Variants in KLHL14 observed in about 807,000 individuals in gnomAD.
The protein encoded by KLHL14 is kelch-like protein 14.
KLHL14 carries 22 observed loss-of-function variants against 64.3 expected under a neutral mutation model. That is an observed-to-expected ratio of 0.34 (90% CI 0.24 to 0.49). The LOEUF (loss-of-function observed/expected upper bound fraction) is 0.49, where lower values mean the gene tolerates loss of function less well. KLHL14 is among the 20% of genes least tolerant of loss of function. The pLI is 0.99. For synonymous variants in KLHL14, 322 were observed against 333.4 expected (o/e 0.97, Z 0.37); for missense variants, 661 against 789.0 (o/e 0.84, Z 1.94).
chr18:32,687,872 G>A (rs1408228088), intron 4 of KLHL14, among the ~76,000 whole-genome samples: 3 of 152,138 alleles, frequency 2.0e-5, no homozygotes, highest in African/African-American at 4.8e-5. Context: ...ACTACAAAAA[G>A]AGCCTGACTG....
intron 3 of KLHL14, among the ~76,000 whole-genome samples, chr18:32,732,679 C>T (rs75419391): frequency 0.025 from 3,817 of 152,242 alleles, 149 homozygotes; most frequent in African/African-American, 0.082. Context: ...GGAACAGGCT[C>T]CCAGTTAACC....
chr18:32,682,059 ATAT>A (rs1317174807), intron 5 of KLHL14, among the ~76,000 whole-genome samples: 1 of 152,186 alleles, frequency 6.6e-6, no homozygotes, highest in Non-Finnish European at 1.5e-5. Flanking sequence ...CTGTCAATTA[ATAT>A]TATCTGGATA....
At chr18:32,719,401 A>G (rs970310244) in intron 3 of KLHL14, among the ~76,000 whole-genome samples, 4 of 152,242 alleles carry the variant, frequency 2.6e-5, no homozygotes, top group African/African-American at 9.6e-5. Flanking sequence ...TAAGTTCACG[A>G]ATGAGTCAAA....
intron 3 of KLHL14, among the ~76,000 whole-genome samples, chr18:32,735,310 C>T (rs1342933734): frequency 1.3e-5 from 2 of 152,032 alleles, no homozygotes; most frequent in Non-Finnish European, 2.9e-5. Flanking sequence ...TATTCCTTAC[C>T]CTGCCATTAA....
At chr18:32,678,157 G>A (rs72948123) in intron 7 of KLHL14, among the ~76,000 whole-genome samples, 4 of 152,224 alleles carry the variant, frequency 2.6e-5, no homozygotes, top group Non-Finnish European at 4.4e-5. Context: ...AACAACTTAA[G>A]TTCCTGGTCT....
At chr18:32,693,413 C>CACACACACACACACACACACACACAG (rs1229737083) in intron 4 of KLHL14, among the ~76,000 whole-genome samples, 1 of 97,018 alleles carries the variant, frequency 1.0e-5, no homozygotes, top group African/African-American at 4.8e-5. Context: ...CACACACACA[C>CACACACACACACACACACACACACAG]AGAGAGAGAG....
chr18:32,723,981 T>C (rs537449266), intron 3 of KLHL14, among the ~76,000 whole-genome samples: 5 of 152,346 alleles, frequency 3.3e-5, no homozygotes, highest in Admixed American at 2.0e-4. Flanking sequence ...AAAGTGGCCA[T>C]AGTGATTTAA....
intron 3 of KLHL14, chr18:32,733,603 G>A (rs2050147657): frequency 6.6e-6 from 1 of 152,146 alleles, no homozygotes; most frequent in Non-Finnish European, 1.5e-5. Context: ...AAACCACTAT[G>A]GTCCTCTAAG....
chr18:32,694,915 A>G (rs1395986121), intron 4 of KLHL14, among the ~76,000 whole-genome samples: 2 of 152,210 alleles, frequency 1.3e-5, no homozygotes, highest in Non-Finnish European at 2.9e-5. Context: ...CAATAAGTTT[A>G]TGATGTAATC....
Position 32,770,993 on chromosome 18 carries a change from G to A in KLHL14, c.-43-359C>T. On this transcript the variant is annotated intron_variant, in intron 1 of 8. Coordinates refer to ENST00000359358, the MANE Select transcript of KLHL14 (RefSeq NM_020805.3). The surrounding 1 kb of genome is among the most constrained non-coding windows in gnomAD (Gnocchi z 6.7). ...GCAGCGACGGCAAAGTGGCGGCTGAGGCCGAGGCACCTCGTGGGCTCGTGT... is the reference window on the plus strand; with the variant it reads ...GCAGCGACGGCAAAGTGGCGGCTGAAGCCGAGGCACCTCGTGGGCTCGTGT... 4.8e-6 allele frequency: 2 copies of A among 416,888 alleles called. No individual in the cohort carries two copies. Among genetic ancestry groups the A allele is most frequent in the South Asian group, 1.7e-5 (1 of 59,528 alleles). The allele number at this position is 416,888 out of a possible 1,614,324, so 25.8% of individuals were successfully genotyped here.
chr18:32,704,009 G>A (rs544054465), intron 3 of KLHL14, among the ~76,000 whole-genome samples: 4 of 151,996 alleles, frequency 2.6e-5, no homozygotes, highest in Non-Finnish European at 4.4e-5. Flanking sequence ...ATGTCTTCCT[G>A]ATCATATTTT....
rs560500768 is a variant in KLHL14 at position 32,758,937 on chromosome 18, G to A, written c.947+10708C>T. Reference sequence around the variant, plus strand: ...GGTTACCTAGGGCTGAAAGTCGGGCGGATGATGGTGGTGGTGAGGGAATGA... The same window carrying A: ...GGTTACCTAGGGCTGAAAGTCGGGCAGATGATGGTGGTGGTGAGGGAATGA... On this transcript the variant is annotated intron_variant, in intron 2 of 8. Coordinates refer to ENST00000359358, the MANE Select transcript of KLHL14 (RefSeq NM_020805.3). 3.9e-5 allele frequency among the ~76,000 whole-genome samples: 6 copies of A among 152,308 alleles called. No homozygotes were observed. The South Asian group carries it at 8.3e-4, about 21-fold the overall frequency.
intron 2 of KLHL14, among the ~76,000 whole-genome samples, chr18:32,764,538 G>A (rs2050330692): frequency 6.6e-6 from 1 of 152,064 alleles, no homozygotes; most frequent in African/African-American, 2.4e-5. Context: ...ACATGGGTTG[G>A]CAAACCGTGG....
Position 32,746,507 on chromosome 18 carries a change from TAAAA to T in KLHL14, c.948-4462_948-4459del, listed in dbSNP as rs1410869279. ...CATCATACTGGTGTTCTAAGTACTGTAAAATCTCATTTATTTATATTTCAGTGAT... is the reference window on the plus strand; with the variant it reads ...CATCATACTGGTGTTCTAAGTACTGTTCTCATTTATTTATATTTCAGTGAT... On this transcript the variant is annotated intron_variant, in intron 2 of 8. Transcript: ENST00000359358. 1.1e-4 allele frequency among the ~76,000 whole-genome samples: 16 copies of T among 152,336 alleles called. No individual in the cohort carries two copies. In the South Asian group the frequency reaches 2.9e-3, roughly 28 times the overall value.
At chr18:32,759,593 G>A (rs1267163159) in intron 2 of KLHL14, among the ~76,000 whole-genome samples, 1 of 152,080 alleles carries the variant, frequency 6.6e-6, no homozygotes, top group African/African-American at 2.4e-5. Context: ...CCAAGGAGAA[G>A]CAGCTTGTAA....
chr18:32,723,490 G>A (rs1485860968), intron 3 of KLHL14, among the ~76,000 whole-genome samples: 1 of 152,118 alleles, frequency 6.6e-6, no homozygotes, highest in Non-Finnish European at 1.5e-5. Context: ...TTCTTTTTCT[G>A]GGTCAGTGCA....
At chr18:32,725,008 C>T (rs1044879632) in intron 3 of KLHL14, among the ~76,000 whole-genome samples, 1 of 145,046 alleles carries the variant, frequency 6.9e-6, no homozygotes, top group Non-Finnish European at 1.5e-5. Context: ...AATAAAAATT[C>T]CCCTCCCTTC....
intron 3 of KLHL14, among the ~76,000 whole-genome samples, chr18:32,696,920 TTTTG>T (rs1304270951): frequency 6.6e-6 from 1 of 152,170 alleles, no homozygotes; most frequent in Admixed American, 6.5e-5. Flanking sequence ...AGGAGTTTTG[TTTTG>T]TTTATTTACC....
chr18:32,769,049 C>T (rs1301437758), intron 2 of KLHL14, among the ~76,000 whole-genome samples: 1 of 152,188 alleles, frequency 6.6e-6, no homozygotes, highest in Non-Finnish European at 1.5e-5. Flanking sequence ...CACATGATAC[C>T]AGCATTTCCA....
Sources: gnomAD v4.1 joint callset for allele counts (sites outside exome capture counted in the v4.1 genomes callset) on GRCh38, gnomAD v4.1.1 for gene constraint, Gnocchi (gnomAD v3.1) non-coding constraint, MANE v1.5 for transcripts, NCBI Gene and HGNC (gene_info 2026-07-23, HGNC 2026-07-21) for gene names.